The following ZC3H12B variants were observed in gnomAD, a reference collection of about 807,000 sequenced individuals.
ZC3H12B encodes zinc finger CCCH-type containing 12B.
ZC3H12B carries 7 observed loss-of-function variants against 43.9 expected under a neutral mutation model. The observed-to-expected ratio is 0.16, with a 90% CI of 0.09 to 0.30. ZC3H12B has a LOEUF of 0.30. ZC3H12B is among the 10% of genes least tolerant of loss of function. ZC3H12B has a pLI of 1.00. For missense variants in ZC3H12B, 475 were observed against 670.2 expected, an observed-to-expected ratio of 0.71 and a Z score of 3.22; for synonymous variants, 222 against 241.7, an observed-to-expected ratio of 0.92 and a Z score of 0.76.
the ZC3H12B span, among the ~76,000 whole-genome samples, chrX:65,204,671 C>G: frequency 8.9e-6 from 1 of 111,773 alleles, no homozygotes; most frequent in Non-Finnish European, 1.9e-5. Flanking sequence ...AAGTGGTAGC[C>G]TTACCTTTTG....
At chrX:65,504,346 TGAGA>T (rs1335205578) in exon 5 of ZC3H12B, 1 of 112,582 alleles carries the variant, frequency 8.9e-6, no homozygotes, top group Non-Finnish European at 1.9e-5. Context: ...TAACTAGTTA[TGAGA>T]GAGAAATTAT....
At chrX:65,297,482 T>C in the ZC3H12B span, among the ~76,000 whole-genome samples, 1 of 111,238 alleles carries the variant, frequency 9.0e-6, no homozygotes, top group East Asian at 2.8e-4. Context: ...AAAACACTAC[T>C]GAAAGAAATT....
At chrX:65,099,853 G>C in the ZC3H12B span, among the ~76,000 whole-genome samples, 1 of 111,623 alleles carries the variant, frequency 9.0e-6, no homozygotes, top group African/African-American at 3.3e-5. Flanking sequence ...CTCATCTCCA[G>C]CAAGGGTGCA....
chrX:65,267,034 A>G, the ZC3H12B span, among the ~76,000 whole-genome samples: 1 of 110,220 alleles, frequency 9.1e-6, no homozygotes, highest in East Asian at 2.9e-4. Context: ...ATGCTCAGAA[A>G]AGGCCTGAGA....
the ZC3H12B span, among the ~76,000 whole-genome samples, chrX:65,297,352 G>T: frequency 1.9e-4 from 21 of 110,569 alleles, no homozygotes; most frequent in Non-Finnish European, 4.0e-4. Flanking sequence ...TGTACACCAA[G>T]AGCGACCAAG....
the ZC3H12B span, among the ~76,000 whole-genome samples, chrX:65,091,616 G>A: frequency 1.8e-5 from 2 of 111,626 alleles, no homozygotes; most frequent in Non-Finnish European, 3.8e-5. Context: ...GTTACTTAGA[G>A]TATCTCTACT....
At chrX:65,373,338 C>A (rs1457612135) in intron 2 of ZC3H12B, among the ~76,000 whole-genome samples, 1 of 111,620 alleles carries the variant, frequency 9.0e-6, no homozygotes, top group African/African-American at 3.3e-5. Flanking sequence ...TGTGGTGATT[C>A]CTCAGGGACC....
the ZC3H12B span, among the ~76,000 whole-genome samples, chrX:65,180,176 T>A: frequency 2.7e-5 from 3 of 111,884 alleles, no homozygotes; most frequent in Non-Finnish European, 5.6e-5. Context: ...TGGCTTCATC[T>A]CTGGCATGCA....
chrX:65,414,961 G>T (rs994962938), intron 3 of ZC3H12B, among the ~76,000 whole-genome samples: 3 of 112,172 alleles, frequency 2.7e-5, no homozygotes, highest in Admixed American at 9.4e-5. Context: ...CACAGCCTCA[G>T]GAAAACCTAA....
chrX:65,120,133 C>G, the ZC3H12B span, among the ~76,000 whole-genome samples: 2 of 111,798 alleles, frequency 1.8e-5, 1 homozygote, highest in Admixed American at 1.9e-4. Flanking sequence ...AGTGCAGGCT[C>G]TTTTTTGATT....
At chrX:65,098,025 T>C in the ZC3H12B span, among the ~76,000 whole-genome samples, 1 of 111,872 alleles carries the variant, frequency 8.9e-6, no homozygotes, top group South Asian at 3.7e-4. Context: ...TATGTCTTGT[T>C]AAAACACCAT....
chrX:65,184,182 A>C, the ZC3H12B span, among the ~76,000 whole-genome samples: 1 of 111,418 alleles, frequency 9.0e-6, no homozygotes, highest in Non-Finnish European at 1.9e-5. Flanking sequence ...AACTTGTTTG[A>C]GGTATGTTAT....
the ZC3H12B span, among the ~76,000 whole-genome samples, chrX:65,131,190 C>A: frequency 1.8e-5 from 2 of 111,201 alleles, no homozygotes; most frequent in South Asian, 3.8e-4. Flanking sequence ...AGAGTGGTAG[C>A]CTCAATGATA....
At chrX:65,119,894 T>C in the ZC3H12B span, among the ~76,000 whole-genome samples, 2 of 112,271 alleles carry the variant, frequency 1.8e-5, no homozygotes, top group South Asian at 3.7e-4. Flanking sequence ...CACCATTTAT[T>C]AAATAGGGAA....
At chrX:65,425,731 G>A (rs1369725545) in intron 3 of ZC3H12B, among the ~76,000 whole-genome samples, 1 of 111,631 alleles carries the variant, frequency 9.0e-6, no homozygotes, top group East Asian at 2.8e-4. Context: ...TGTAGTTTTT[G>A]ACTTTAGTTG....
chrX:65,274,020 A>G, the ZC3H12B span, among the ~76,000 whole-genome samples: 1 of 111,883 alleles, frequency 8.9e-6, no homozygotes, highest in Non-Finnish European at 1.9e-5. Context: ...GTGGAGATGC[A>G]GCTGTGGTTA....
chrX:65,264,239 A>T, the ZC3H12B span, among the ~76,000 whole-genome samples: 241 of 111,491 alleles, frequency 2.2e-3, 2 homozygotes, highest in Non-Finnish European at 5.1e-4. Flanking sequence ...AGTGCACTGA[A>T]ATTTCAGACT....
At chrX:65,041,360 T>G in the ZC3H12B span, among the ~76,000 whole-genome samples, 156 of 111,571 alleles carry the variant, frequency 1.4e-3, no homozygotes, top group African/African-American at 4.8e-3. Context: ...CTACCAGAGG[T>G]TAGGCAGCAT....
Position 65,462,281 on chromosome X carries a change from C to T in ZC3H12B, n.408-26365C>T, listed in dbSNP as rs180768920. On this transcript the variant is annotated intron_variant and non_coding_transcript_variant, in intron 3 of 5. Transcript: ENST00000617377. ...ATCCCAGCACTTTGGGAGGCCAGGG[C>T]GGGTGGATCACATGAGGTCAGGAGT... is the stretch of plus-strand genomic sequence containing the variant. 7.7e-4 allele frequency among the ~76,000 whole-genome samples: 85 copies of T among 111,003 alleles called. 2 individuals are homozygous for T. The East Asian group carries it at 0.02, about 27-fold the overall frequency.
Sources: allele counts gnomAD v4.1 joint callset (sites outside exome capture counted in the v4.1 genomes callset), GRCh38; gene constraint gnomAD v4.1.1; transcripts MANE v1.5; gene names NCBI Gene and HGNC (gene_info 2026-07-23, HGNC 2026-07-21).